Variants in MTHFD1L observed in about 807,000 individuals in gnomAD.
MTHFD1L encodes methylenetetrahydrofolate dehydrogenase (NADP+ dependent) 1 like.
Under a neutral mutation model 119.5 loss-of-function variants are expected in MTHFD1L, and 81 were observed. The ratio of observed to expected loss-of-function variants is 0.68; its 90% CI spans 0.57 to 0.82. The LOEUF (loss-of-function observed/expected upper bound fraction) is 0.82. MTHFD1L is among the 40% of genes least tolerant of loss of function. MTHFD1L has a pLI of 0.00. For missense variants in MTHFD1L, 1,125 were observed against 1,253.4 expected (o/e 0.90, Z 1.55); for synonymous variants, 430 against 475.2 (o/e 0.90, Z 1.24).
chr6:150,933,892 C>CAA (rs995295821), intron 11 of MTHFD1L, among the ~76,000 whole-genome samples: 6 of 152,212 alleles, frequency 3.9e-5, no homozygotes, highest in African/African-American at 1.4e-4. Context: ...GCTAGGATTA[C>CAA]AAGCATGAAC....
At chr6:150,925,208 G>A (rs1273487077) in intron 10 of MTHFD1L, among the ~76,000 whole-genome samples, 3 of 152,176 alleles carry the variant, frequency 2.0e-5, no homozygotes, top group African/African-American at 7.2e-5. Flanking sequence ...GGTGAGTGAA[G>A]GAATAGCTGT....
In MTHFD1L at chr6:150,916,918, C is replaced by T. The variant is rs189061562; in HGVS notation, c.893-1659C>T. Among the ~76,000 whole-genome samples, 245 of 150,726 alleles carry T rather than the reference C, an allele frequency of 1.6e-3. 1 individual carries two copies. The highest frequency in any genetic ancestry group is 5.6e-3 in the African/African-American group (230 of 41,132). ...CTGGGATTACAGGCATGTGCCACCACGCCTGGCTAATTTTGTATTTTTAGT... is the reference window on the plus strand; with the variant it reads ...CTGGGATTACAGGCATGTGCCACCATGCCTGGCTAATTTTGTATTTTTAGT... On this transcript the variant is annotated intron_variant, in intron 8 of 27. Transcript: ENST00000367321.
chr6:151,067,725 C>G (rs1057252402), intron 26 of MTHFD1L, among the ~76,000 whole-genome samples: 1 of 152,230 alleles, frequency 6.6e-6, no homozygotes, highest in Non-Finnish European at 1.5e-5. Flanking sequence ...ACCATGTATA[C>G]AAATGCATAT....
intron 1 of MTHFD1L, among the ~76,000 whole-genome samples, chr6:150,869,646 C>T (rs567873106): frequency 2.8e-4 from 42 of 150,534 alleles, no homozygotes; most frequent in African/African-American, 7.6e-4. Flanking sequence ...CATGAGCCAC[C>T]ACGCCTGGCT....
intron 26 of MTHFD1L, among the ~76,000 whole-genome samples, chr6:151,048,291 G>A (rs1156402860): frequency 5.3e-5 from 8 of 152,118 alleles, no homozygotes; most frequent in African/African-American, 1.9e-4. Context: ...CACTTGTGCC[G>A]CCAGCTAAGG....
In MTHFD1L at chr6:151,014,358, C is replaced by A. The variant is rs137861583; in HGVS notation, c.2308-522C>A. Among the ~76,000 whole-genome samples, 585 of 152,334 alleles carry A rather than the reference C, an allele frequency of 3.8e-3. 6 individuals carry two copies. The highest frequency in any genetic ancestry group is 0.014 in the African/African-American group (571 of 41,570). ...TGTACTCCCAGGGTAGCCATCAGAG[C>A]AGGAACTCAAGGTCTCCAGGTCAGA... On this transcript the variant is annotated intron_variant, in intron 22 of 27. Transcript: ENST00000367321.
rs140930014 is a variant in MTHFD1L, at chr6:150,879,894, G to T, written c.417+2068G>T. On this transcript the variant is annotated intron_variant, in intron 4 of 27. Transcript: ENST00000367321. ...TCTGCCCTCCCTGGCCTCCCAAAGC[G>T]CTGGGATTACAGGTATGAGCCACCT... Among the ~76,000 whole-genome samples the T allele has an allele frequency of 9.8e-3, 1,487 of 152,256 alleles. 22 individuals are homozygous for T. The highest frequency in any genetic ancestry group is 0.031 in the African/African-American group (1,282 of 41,544).
chr6:150,874,995 G>A (rs1054688428), intron 1 of MTHFD1L, among the ~76,000 whole-genome samples: 8 of 151,534 alleles, frequency 5.3e-5, no homozygotes, highest in East Asian at 1.9e-4. Context: ...TGATCCACCC[G>A]CCTCAGCTTC....
At chr6:151,017,536 AG>A (rs1161712998) in intron 24 of MTHFD1L, among the ~76,000 whole-genome samples, 1 of 151,944 alleles carries the variant, frequency 6.6e-6, no homozygotes, top group Middle Eastern at 3.2e-3. Flanking sequence ...TAGCAGAGAC[AG>A]GGTTTCACCA....
chr6:150,874,706 G>A (rs569425324), intron 1 of MTHFD1L, among the ~76,000 whole-genome samples: 58 of 152,258 alleles, frequency 3.8e-4, no homozygotes, highest in African/African-American at 1.1e-3. Context: ...GGGTGGTGGC[G>A]AAGGTAGCCT....
intron 7 of MTHFD1L, among the ~76,000 whole-genome samples, chr6:150,896,569 A>G (rs973644231): frequency 2.0e-5 from 3 of 152,146 alleles, no homozygotes; most frequent in Non-Finnish European, 4.4e-5. Context: ...GTAGTGTGGA[A>G]TTAAGTGCAC....
intron 26 of MTHFD1L, among the ~76,000 whole-genome samples, chr6:151,063,757 A>G (rs1214572925): frequency 6.6e-6 from 1 of 152,244 alleles, no homozygotes; most frequent in Non-Finnish European, 1.5e-5. Context: ...TAAGAATTAA[A>G]TAATTAAACA....
chr6:151,100,540 A>T (rs903322729), intron 27 of MTHFD1L, among the ~76,000 whole-genome samples: 1 of 152,116 alleles, frequency 6.6e-6, no homozygotes, highest in African/African-American at 2.4e-5. Flanking sequence ...GGCCTAAAAG[A>T]TAAGTCCTTC....
chr6:150,976,161 A>G (rs1449484374), intron 20 of MTHFD1L, among the ~76,000 whole-genome samples: 1 of 152,120 alleles, frequency 6.6e-6, no homozygotes, highest in Non-Finnish European at 1.5e-5. Context: ...AGATCACACC[A>G]TTGCACTCCA....
chr6:151,071,888 A>C (rs9478940), intron 26 of MTHFD1L, among the ~76,000 whole-genome samples: 104,488 of 143,896 alleles, frequency 0.73, 40,086 homozygotes, highest in East Asian at 0.91. Flanking sequence ...GATCATCCAG[A>C]CTGGAGTGCA....
intron 21 of MTHFD1L, among the ~76,000 whole-genome samples, chr6:151,011,440 G>GA (rs1782192922): frequency 6.7e-6 from 1 of 150,274 alleles, no homozygotes; most frequent in South Asian, 2.1e-4. Flanking sequence ...TTTATAAAGA[G>GA]AAAATCTCTG....
In MTHFD1L at chr6:151,100,034, C is replaced by CTT. The variant is rs377326942; in HGVS notation, c.*32-1476_*32-1475dup. Reference sequence around the variant, plus strand: ...AAGAAAGAAATATTTTCTTTCTTTTCTTTTTTTTTTTTTTTTTGAGACGCA... The same window carrying CTT: ...AAGAAAGAAATATTTTCTTTCTTTTCTTTTTTTTTTTTTTTTTTTGAGACGCA... On this transcript the variant is annotated intron_variant, in intron 27 of 27. Transcript: ENST00000367321. The CTT allele has an allele frequency of 3.1e-3, 1,480 of 471,530 alleles. 1 individual carries two copies. Among genetic ancestry groups the CTT allele is most frequent in the Middle Eastern group, 6.3e-3 (10 of 1,590 alleles). The allele number at this position is 471,530 out of a possible 1,614,324, so 29.2% of individuals were successfully genotyped here. A position where few individuals can be genotyped will look rare whatever the true frequency, so the allele number is the denominator to read the frequency against.
rs1383764421 is a variant in MTHFD1L, at chr6:151,023,915, G to A, written c.2586+8222G>A. 2.0e-5 allele frequency among the ~76,000 whole-genome samples: 3 copies of A among 152,134 alleles called. No homozygotes were observed. In the East Asian group the frequency reaches 5.8e-4, roughly 29 times the overall value. Reference sequence around the variant, plus strand: ...TCACATGAGACCATTGCAGTGGAGAGAGTGTCCACTTTCTCAATCTAAAAG... The same window carrying A: ...TCACATGAGACCATTGCAGTGGAGAAAGTGTCCACTTTCTCAATCTAAAAG... On this transcript the variant is annotated intron_variant, in intron 24 of 27. Transcript: ENST00000367321.
At chr6:151,084,970 GAAAAA>G (rs3055594) in intron 26 of MTHFD1L, among the ~76,000 whole-genome samples, 66 of 120,140 alleles carry the variant, frequency 5.5e-4, no homozygotes, top group Middle Eastern at 4.2e-3. Flanking sequence ...CCATCTCAAA[GAAAAA>G]AAAAAAAAAA....
Sources: allele counts gnomAD v4.1 joint callset (sites outside exome capture counted in the v4.1 genomes callset), GRCh38; gene constraint gnomAD v4.1.1; transcripts MANE v1.5; gene names NCBI Gene and HGNC (gene_info 2026-07-23, HGNC 2026-07-21).